Variants in NBEA observed in about 807,000 individuals in gnomAD.
NBEA encodes the protein lysosomal-trafficking regulator 2.
Under a neutral mutation model 343.4 loss-of-function variants are expected in NBEA, and 44 were observed. The ratio of observed to expected loss-of-function variants is 0.13; its 90% CI spans 0.10 to 0.16. The LOEUF is 0.16. NBEA is among the 10% of genes least tolerant of loss of function. The pLI is 1.00. For synonymous variants in NBEA, 1,175 were observed against 1,238.7 expected (o/e 0.95, Z 1.08); for missense variants, 2,555 against 3,631.3 (o/e 0.70, Z 7.62).
At chr13:35,307,598 A>G (rs1450861494) in intron 35 of NBEA, among the ~76,000 whole-genome samples, 1 of 152,046 alleles carries the variant, frequency 6.6e-6, no homozygotes, top group African/African-American at 2.4e-5. Context: ...AATCTTATTC[A>G]TGTTAGAAGT....
At chr13:35,367,756 A>G (rs2152880323) in intron 38 of NBEA, among the ~76,000 whole-genome samples, 1 of 151,592 alleles carries the variant, frequency 6.6e-6, no homozygotes, top group East Asian at 1.9e-4. Flanking sequence ...ATGAAGAAAG[A>G]CTTTTGAAGT....
chr13:35,637,081 C>G (rs1433756292), intron 49 of NBEA, among the ~76,000 whole-genome samples: 1 of 152,182 alleles, frequency 6.6e-6, no homozygotes, highest in Non-Finnish European at 1.5e-5. Flanking sequence ...GCATTTCTCT[C>G]ATTTGTTGTG....
At chr13:35,128,063 T>C (rs2067219572) in intron 17 of NBEA, among the ~76,000 whole-genome samples, 1 of 120,236 alleles carries the variant, frequency 8.3e-6, no homozygotes. Flanking sequence ...AGTTTTATTA[T>C]ATAAGTACAA....
chr13:35,282,015 C>T (rs2035085425), intron 34 of NBEA, among the ~76,000 whole-genome samples: 1 of 151,952 alleles, frequency 6.6e-6, no homozygotes, highest in Non-Finnish European at 1.5e-5. Context: ...CGGGTTCACT[C>T]CATTCTCCTG....
chr13:35,332,689 G>A (rs979626724), intron 36 of NBEA, among the ~76,000 whole-genome samples: 6 of 152,104 alleles, frequency 3.9e-5, no homozygotes, highest in Non-Finnish European at 7.4e-5. Flanking sequence ...AAGATTTCAG[G>A]GAGGCAGAAA....
At chr13:35,142,930 A>G (rs556091530) in intron 18 of NBEA, among the ~76,000 whole-genome samples, 1 of 152,236 alleles carries the variant, frequency 6.6e-6, no homozygotes, top group South Asian at 2.1e-4. Flanking sequence ...TAGGTATACT[A>G]CCTCACAGGG....
At chr13:35,329,538 A>G (rs1365383974) in intron 36 of NBEA, among the ~76,000 whole-genome samples, 1 of 152,022 alleles carries the variant, frequency 6.6e-6, no homozygotes, top group African/African-American at 2.4e-5. Flanking sequence ...GATACACACA[A>G]TAACATGTAT....
chr13:35,100,545 T>A (rs1022376959), intron 11 of NBEA, among the ~76,000 whole-genome samples: 1 of 152,016 alleles, frequency 6.6e-6, no homozygotes, highest in Non-Finnish European at 1.5e-5. Flanking sequence ...ACAGGATTTC[T>A]GTGAGGACTT....
At chr13:35,202,118 C>T (rs889872858) in intron 31 of NBEA, among the ~76,000 whole-genome samples, 1 of 152,060 alleles carries the variant, frequency 6.6e-6, no homozygotes, top group African/African-American at 2.4e-5. Context: ...CTTTGCCTTG[C>T]TAGGTTTTTA....
At chr13:35,274,932 A>G (rs2034466794) in intron 34 of NBEA, among the ~76,000 whole-genome samples, 2 of 152,194 alleles carry the variant, frequency 1.3e-5, no homozygotes, top group South Asian at 2.1e-4. Context: ...CATACTGCCT[A>G]AGGCAATTTA....
intron 36 of NBEA, among the ~76,000 whole-genome samples, chr13:35,347,695 C>T (rs1470082361): frequency 6.6e-6 from 1 of 152,024 alleles, no homozygotes; most frequent in Non-Finnish European, 1.5e-5. Flanking sequence ...CCTCTTCCTC[C>T]TCCATCTCCT....
At chr13:35,069,811 C>T (rs923459849) in intron 8 of NBEA, 97 bp from the exon 9 acceptor site, 27 of 798,760 alleles carry the variant, frequency 3.4e-5, no homozygotes, top group Non-Finnish European at 5.1e-5. Flanking sequence ...GAAAGGTACA[C>T]AAGTAGTTTA....
chr13:35,070,906 T>C (rs1484282644), intron 10 of NBEA, 54 bp downstream of exon 10: 8 of 1,584,614 alleles, frequency 5.0e-6, no homozygotes, highest in Middle Eastern at 2.3e-4. Flanking sequence ...CTTAAGACTA[T>C]GCATGATGTA....
rs779492978 is a variant in NBEA at position 35,071,065 on chromosome 13, C to T, written c.1571+213C>T. 1.1e-4 allele frequency: 40 copies of T among 363,184 alleles called. 1 individual carries two copies. The highest frequency in any genetic ancestry group is 1.4e-4 in the Admixed American group (3 of 21,572). 22.5% of individuals were successfully genotyped at this position (363,184 alleles called of 1,614,324 possible). Reference sequence around the variant, plus strand: ...TGTTATATCATAAAGGAATGCCTTCCTTGATAATAAATAGAAAATTCTTAC... The same window carrying T: ...TGTTATATCATAAAGGAATGCCTTCTTTGATAATAAATAGAAAATTCTTAC... On this transcript the variant is annotated intron_variant, in intron 10 of 58. Coordinates refer to ENST00000379939, the MANE Select transcript of NBEA (RefSeq NM_001385012.1).
chr13:35,583,961 G>T lies in NBEA; in HGVS notation c.7099G>T (p.Asp2367Tyr). Residue 2367 changes from aspartate to tyrosine, a missense_variant, in exon 46 of 59, where the codon GAT (aspartate) becomes TAT (tyrosine). Transcript: ENST00000379939. ...FYAERYETWE[D>Y]DQSPPYHYNT... ...TGCAGAGCGTTATGAGACATGGGAA[G>T]ATGATCAAAGCCCACCCTACCATTA... 1 of 1,613,488 alleles carries T rather than the reference G, an allele frequency of 6.2e-7. No individual in the cohort carries two copies. The highest frequency in any genetic ancestry group is 8.5e-7 in the Non-Finnish European group (1 of 1,179,566).
intron 38 of NBEA, among the ~76,000 whole-genome samples, chr13:35,360,663 T>C (rs1299149641): frequency 6.6e-6 from 1 of 151,932 alleles, no homozygotes; most frequent in African/African-American, 2.4e-5. Flanking sequence ...AAATAAAAAG[T>C]ATATAAAAAA....
intron 1 of NBEA, among the ~76,000 whole-genome samples, chr13:35,009,211 G>A (rs1051256985): frequency 3.3e-5 from 5 of 152,130 alleles, no homozygotes; most frequent in African/African-American, 1.2e-4. Context: ...AGGTATAGTA[G>A]TGTACAAAGC....
At chr13:35,026,049 A>G (rs1037964616) in intron 1 of NBEA, among the ~76,000 whole-genome samples, 1 of 152,118 alleles carries the variant, frequency 6.6e-6, no homozygotes, top group Non-Finnish European at 1.5e-5. Flanking sequence ...CCACATGTCA[A>G]GGACAGGACC....
chr13:35,135,045 T>G lies in NBEA; in HGVS notation c.2337-7224T>G, dbSNP rs949392546. Among the ~76,000 whole-genome samples the G allele has an allele frequency of 3.3e-5, 5 of 152,100 alleles. No homozygotes were observed. The South Asian group carries it at 1.0e-3, about 32-fold the overall frequency. ...CATATACATAGTACTTTTCCATCAATTAAAAAATGGGAAGGGTAATATCCA... is the reference window on the plus strand; with the variant it reads ...CATATACATAGTACTTTTCCATCAAGTAAAAAATGGGAAGGGTAATATCCA... On this transcript the variant is annotated intron_variant, in intron 17 of 58. Transcript: ENST00000379939.
Sources: gnomAD v4.1 joint callset for allele counts (sites outside exome capture counted in the v4.1 genomes callset) on GRCh38, gnomAD v4.1.1 for gene constraint, MANE v1.5 for transcripts, NCBI Gene and HGNC (gene_info 2026-07-23, HGNC 2026-07-21) for gene names.